Variants in ARMC1 observed in about 807,000 individuals in gnomAD.
ARMC1 encodes the protein armadillo repeat-containing protein 1.
ARMC1 carries 16 observed loss-of-function variants against 31.4 expected under a neutral mutation model. The ratio of observed to expected loss-of-function variants is 0.51; its 90% CI spans 0.34 to 0.77. The LOEUF is 0.77. ARMC1 is among the 30% of genes least tolerant of loss of function. The pLI is 0.01. For synonymous variants in ARMC1, 114 were observed against 118.9 expected, an observed-to-expected ratio of 0.96 and a Z score of 0.27; for missense variants, 259 against 347.5, an observed-to-expected ratio of 0.75 and a Z score of 2.02.
intron 4 of ARMC1, among the ~76,000 whole-genome samples, chr8:65,612,399 T>C (rs949445204): frequency 1.3e-5 from 2 of 151,428 alleles, no homozygotes; most frequent in African/African-American, 2.4e-5. Flanking sequence ...GAGCCTGCAG[T>C]AGACTATGAT....
At chr8:65,605,170 G>T in intron 6 of ARMC1, 93 bp downstream of exon 6, 2 of 1,001,310 alleles carry the variant, frequency 2.0e-6, no homozygotes, top group Non-Finnish European at 3.0e-6. Flanking sequence ...TTACATACTT[G>T]GCACTATTAA....
intron 2 of ARMC1, among the ~76,000 whole-genome samples, chr8:65,622,715 G>GAA (rs10657870): frequency 0.63 from 93,744 of 148,264 alleles, 29,619 homozygotes; most frequent in African/African-American, 0.69. Flanking sequence ...TGCCTCAAAA[G>GAA]AAAAAAAAAA....
chr8:65,627,381 G>C lies in ARMC1; in HGVS notation c.18C>G (p.Ser6=). 1 of 1,579,686 alleles carries C rather than the reference G, an allele frequency of 6.3e-7. No individual in the cohort carries two copies. The highest frequency in any genetic ancestry group is 8.6e-7 in the Non-Finnish European group (1 of 1,162,256). Residue 6 remains serine (S), a synonymous_variant, in exon 2 of 7, where the codon TCC becomes TCG. Coordinates refer to ENST00000276569, the MANE Select transcript of ARMC1 (RefSeq NM_018120.6). MNSST[S]TMSEEPDALS... The stretch of plus-strand genomic sequence containing the variant: ...GAGCGTCAGGCTCTTCACTCATGGT[G>C]GAAGTGGAAGAATTCATCTTCTATG...
chr8:65,615,485 A>T (rs181113022), intron 3 of ARMC1, among the ~76,000 whole-genome samples: 92 of 151,440 alleles, frequency 6.1e-4, no homozygotes, highest in African/African-American at 1.9e-3. Context: ...TGGGTGGATC[A>T]CCTGAGGTTA....
Position 65,627,435 on chromosome 8 carries a change from T to C in ARMC1, c.-35-2A>G, listed in dbSNP as rs188751233. Reference sequence around the variant, plus strand: ...TGCACATGAATAAAATCTTAAATTCTGTAGAAAAGGTTTGCAGAATTAGTT... The same window carrying C: ...TGCACATGAATAAAATCTTAAATTCCGTAGAAAAGGTTTGCAGAATTAGTT... On this transcript the variant is annotated splice_acceptor_variant, in intron 1 of 6. Coordinates refer to ENST00000276569, the MANE Select transcript of ARMC1 (RefSeq NM_018120.6). LOFTEE classifies it low-confidence loss of function (5UTR_SPLICE). The C allele has an allele frequency of 6.7e-7, 1 of 1,496,410 alleles. No individual in the cohort carries two copies. Among genetic ancestry groups the C allele is most frequent in the East Asian group, 2.3e-5 (1 of 42,700 alleles). 92.7% of individuals were successfully genotyped at this position (1,496,410 alleles called of 1,614,324 possible).
rs375597098 is a variant in ARMC1, at chr8:65,604,350, T to C, written c.*44A>G. On this transcript the variant is annotated 3_prime_UTR_variant, in exon 7 of 7. Coordinates refer to ENST00000276569, the MANE Select transcript of ARMC1 (RefSeq NM_018120.6). ...ACAGTTCACCACAACAATGGAAAACTGGCCCCTTGTTGGTTCACACAGTCC... is the reference window on the plus strand; with the variant it reads ...ACAGTTCACCACAACAATGGAAAACCGGCCCCTTGTTGGTTCACACAGTCC... 1.3e-6 allele frequency: 2 copies of C among 1,559,826 alleles called. No homozygotes were observed. The highest frequency in any genetic ancestry group is 1.7e-6 in the Non-Finnish European group (2 of 1,146,662).
chr8:65,605,844 G>A (rs1026672776), intron 4 of ARMC1, among the ~76,000 whole-genome samples: 5 of 151,992 alleles, frequency 3.3e-5, no homozygotes, highest in African/African-American at 1.2e-4. Context: ...CACAACACAG[G>A]GGGAAAAAAT....
intron 1 of ARMC1, among the ~76,000 whole-genome samples, chr8:65,631,198 A>G (rs1051265544): frequency 6.6e-6 from 1 of 152,218 alleles, no homozygotes; most frequent in Non-Finnish European, 1.5e-5. Flanking sequence ...TCTTGATGAT[A>G]ACAAGTTACT....
At chr8:65,617,680 G>A (rs916064337) in intron 3 of ARMC1, among the ~76,000 whole-genome samples, 3 of 151,896 alleles carry the variant, frequency 2.0e-5, no homozygotes, top group African/African-American at 7.3e-5. Flanking sequence ...ACACACACTG[G>A]GAACGACTAG....
intron 1 of ARMC1, among the ~76,000 whole-genome samples, chr8:65,632,226 C>T (rs915029628): frequency 5.9e-5 from 9 of 151,988 alleles, no homozygotes; most frequent in Admixed American, 2.0e-4. Flanking sequence ...ATCTCTTGAG[C>T]CTAGAAGTTC....
intron 3 of ARMC1, among the ~76,000 whole-genome samples, chr8:65,620,481 T>C (rs1016969211): frequency 4.6e-5 from 7 of 151,592 alleles, no homozygotes; most frequent in Middle Eastern, 3.2e-3. Context: ...TTTATATTTT[T>C]GGTAGAGATG....
intron 3 of ARMC1, among the ~76,000 whole-genome samples, chr8:65,621,546 T>G (rs541416588): frequency 6.6e-6 from 1 of 152,250 alleles, no homozygotes; most frequent in East Asian, 1.9e-4. Flanking sequence ...TCTCGCTCTG[T>G]TGCCCAGGCT....
rs1807936353 is a variant in ARMC1 at position 65,603,451 on chromosome 8, C to G, written c.*943G>C. The G allele has an allele frequency of 1.3e-5, 2 of 152,168 alleles. No homozygotes were observed. The highest frequency in any genetic ancestry group is 6.5e-5 in the Admixed American group (1 of 15,276). 9.4% of individuals were successfully genotyped at this position (152,168 alleles called of 1,614,324 possible). On this transcript the variant is annotated 3_prime_UTR_variant, in exon 7 of 7. Coordinates refer to ENST00000276569, the MANE Select transcript of ARMC1 (RefSeq NM_018120.6). ...GCAATTCATGTTTTAAAGTTGGACT[C>G]TATACCAAACTGGCATTATGGTATT... is the stretch of plus-strand genomic sequence containing the variant.
chr8:65,613,687 C>A (rs1211593247), intron 3 of ARMC1, among the ~76,000 whole-genome samples: 1 of 152,118 alleles, frequency 6.6e-6, no homozygotes, highest in Non-Finnish European at 1.5e-5. Context: ...CACATTTGGC[C>A]AGGCACAGTG....
rs1384595557 is a variant in ARMC1, at chr8:65,622,360, G to T, written c.184-6C>A. ...TCTGCCAAGTATCGAAGAGCCTACA[G>T]CAGAAGAAGTAATAAGTTAATTCGT... On this transcript the variant is annotated splice_region_variant and splice_polypyrimidine_tract_variant and intron_variant, in intron 2 of 6. Transcript: ENST00000276569. 1 of 1,611,326 alleles carries T rather than the reference G, an allele frequency of 6.2e-7. No homozygotes were observed. Among genetic ancestry groups the T allele is most frequent in the Admixed American group, 1.7e-5 (1 of 59,824 alleles).
chr8:65,613,483 G>A (rs1393067588), intron 3 of ARMC1, 50 bp from the exon 4 acceptor site: 3 of 1,307,116 alleles, frequency 2.3e-6, no homozygotes, highest in Non-Finnish European at 3.1e-6. Context: ...TACTGATTCT[G>A]TAATTTTATT....
intron 4 of ARMC1, among the ~76,000 whole-genome samples, chr8:65,610,158 C>A (rs1039066269): frequency 6.6e-6 from 1 of 151,982 alleles, no homozygotes; most frequent in African/African-American, 2.4e-5. Flanking sequence ...AGTGCAATGG[C>A]GCAATCTCAG....
At chr8:65,626,849 C>T (rs1228987020) in intron 2 of ARMC1, among the ~76,000 whole-genome samples, 1 of 152,066 alleles carries the variant, frequency 6.6e-6, no homozygotes, top group Non-Finnish European at 1.5e-5. Flanking sequence ...AACCCTATCT[C>T]TACAAAATAT....
rs181727400 is a variant in ARMC1, at chr8:65,602,577, G to A, written c.*1817C>T. On this transcript the variant is annotated 3_prime_UTR_variant, in exon 7 of 7. Coordinates refer to ENST00000276569, the MANE Select transcript of ARMC1 (RefSeq NM_018120.6). The stretch of plus-strand genomic sequence containing the variant: ...CTGGAATAAAGAACTCTTAGAATTA[G>A]AACACACAAACATCAAGCTGTAATA... The A allele has an allele frequency of 7.5e-4, 114 of 152,176 alleles. 1 individual carries two copies. Among genetic ancestry groups the A allele is most frequent in the African/African-American group, 2.5e-3 (103 of 41,526 alleles). 9.4% of individuals were successfully genotyped at this position (152,176 alleles called of 1,614,324 possible). A position where few individuals can be genotyped will look rare whatever the true frequency, so the allele number is the denominator to read the frequency against.
Sources: allele counts gnomAD v4.1 joint callset (sites outside exome capture counted in the v4.1 genomes callset), GRCh38; gene constraint gnomAD v4.1.1; transcripts MANE v1.5; gene names NCBI Gene and HGNC (gene_info 2026-07-23, HGNC 2026-07-21).